The following ATP1A1 variants were observed in gnomAD, a reference collection of about 807,000 sequenced individuals.
ATP1A1 encodes sodium/potassium-transporting ATPase subunit alpha-1.
In ATP1A1, 14 loss-of-function variants were observed where a neutral mutation model predicts 114.8. That is an observed-to-expected ratio of 0.12 (90% CI 0.08 to 0.19). The LOEUF (loss-of-function observed/expected upper bound fraction) is 0.19, where lower values mean the gene tolerates loss of function less well. Among genes scored for constraint, ATP1A1 ranks in the 10% least tolerant of loss-of-function variants. The probability of loss-of-function intolerance (pLI) is 1.00; values close to 1 mark genes in which losing one functional copy is unlikely to be tolerated. For synonymous variants in ATP1A1, 471 were observed against 466.3 expected, an observed-to-expected ratio of 1.01 and a Z score of -0.13; for missense variants, 524 against 1,290.7, an observed-to-expected ratio of 0.41 and a Z score of 9.10.
rs769951484 is a variant in ATP1A1, at chr1:116,384,842, G to C, written c.183G>C (p.Arg61=). 6.2e-6 allele frequency: 10 copies of C among 1,613,344 alleles called. No individual in the cohort carries two copies. The highest frequency in any genetic ancestry group is 7.6e-6 in the Non-Finnish European group (9 of 1,179,626). ...GTAAATATGGAACAGACTTGAGCCG[G>C]GTATGTTCTAGTTTGAAAGCTGTTG... is the stretch of plus-strand genomic sequence containing the variant. ...LHRKYGTDLS[R]GLTSARAAEI... The change falls in exon 3 of 23, where the codon CGG becomes CGC. Residue 61 remains arginine (R), a splice_region_variant and synonymous_variant. Coordinates refer to ENST00000295598, the MANE Select transcript of ATP1A1 (RefSeq NM_000701.8). The surrounding 1 kb of genome is among the most constrained non-coding windows in gnomAD (Gnocchi z 5.1).
intron 3 of ATP1A1, among the ~76,000 whole-genome samples, chr1:116,386,439 CA>C (rs1425441681): frequency 6.6e-6 from 1 of 152,118 alleles, no homozygotes; most frequent in Non-Finnish European, 1.5e-5. Flanking sequence ...GAGAATTAAA[CA>C]AGTTAATTAA....
Position 116,373,456 on chromosome 1 carries a change from T to G in ATP1A1, c.-56T>G. 6.6e-7 allele frequency: 1 copy of G among 1,506,278 alleles called. No individual in the cohort carries two copies. The highest frequency in any genetic ancestry group is 8.9e-7 in the Non-Finnish European group (1 of 1,126,612). The allele number at this position is 1,506,278 out of a possible 1,614,324, so 93.3% of individuals were successfully genotyped here. A position where few individuals can be genotyped will look rare whatever the true frequency, so the allele number is the denominator to read the frequency against. On this transcript the variant is annotated 5_prime_UTR_variant, in exon 1 of 23. Transcript: ENST00000295598. Reference sequence around the variant, plus strand: ...GCTCGGCCGGGAGCTGCTCTGTGCTTTTCTCTCTGATTCTCCAGCGACAGG... The same window carrying G: ...GCTCGGCCGGGAGCTGCTCTGTGCTGTTCTCTCTGATTCTCCAGCGACAGG...
chr1:116,384,469 C>T lies in ATP1A1; in HGVS notation c.124-314C>T, dbSNP rs1326748629. Among the ~76,000 whole-genome samples, 8 of 152,114 alleles carry T rather than the reference C, an allele frequency of 5.3e-5. No individual in the cohort carries two copies. Among genetic ancestry groups the T allele is most frequent in the Admixed American group, 1.3e-4 (2 of 15,280 alleles). On this transcript the variant is annotated intron_variant, in intron 2 of 22. Transcript: ENST00000295598. The surrounding 1 kb of genome is among the most constrained non-coding windows in gnomAD (Gnocchi z 5.1). ...ATAGACTTAACCTGTCTAGAATCGA[C>T]CTGGTCATCAGAGAAGGCAGATAAG...
chr1:116,383,318 G>A, intron 1 of ATP1A1: 1 of 1,074,188 alleles, frequency 9.3e-7, no homozygotes, highest in Non-Finnish European at 1.1e-6. Context: ...TTTAATATGG[G>A]AAGCTGGTAA....
chr1:116,403,264 G>T (rs1463895818), intron 21 of ATP1A1, among the ~76,000 whole-genome samples: 1 of 152,202 alleles, frequency 6.6e-6, no homozygotes, highest in Non-Finnish European at 1.5e-5. Context: ...CACCATAGCA[G>T]GGAGCTGGTG....
In ATP1A1 at chr1:116,397,889, G is replaced by A; in HGVS notation, c.1975G>A (p.Asp659Asn). 6.3e-7 allele frequency: 1 copy of A among 1,598,530 alleles called. No homozygotes were observed. Among genetic ancestry groups the A allele is most frequent in the African/African-American group, 1.4e-5 (1 of 73,760 alleles). ...NIPVSQVNPR[D>N]AKACVVHGSD... The stretch of plus-strand genomic sequence containing the variant: ...TTTTTTTTTTTGTCCTAATTCTAGG[G>A]ATGCCAAGGCCTGCGTAGTACACGG... The change falls in exon 15 of 23, where the codon GAT becomes AAT. Residue 659 changes from aspartate (D) to asparagine (N), a missense_variant and splice_region_variant. This residue lies in a region of ATP1A1 where 47 missense variants were observed against 79.8 expected (regional missense o/e 0.59). Coordinates refer to ENST00000295598, the MANE Select transcript of ATP1A1 (RefSeq NM_000701.8). The surrounding 1 kb of genome is among the most constrained non-coding windows in gnomAD (Gnocchi z 4.2).
At chr1:116,383,390 C>T in intron 1 of ATP1A1, 1 of 995,418 alleles carries the variant, frequency 1.0e-6, no homozygotes, top group Non-Finnish European at 1.2e-6. Flanking sequence ...AATGTCTTTG[C>T]AAAGCAAAGA....
chr1:116,373,784 C>T, intron 1 of ATP1A1: 2 of 1,144,632 alleles, frequency 1.7e-6, no homozygotes, highest in Non-Finnish European at 2.1e-6. Flanking sequence ...TGGGCGGGGG[C>T]TGCGCGCCCC....
chr1:116,384,681 T>A lies in ATP1A1; in HGVS notation c.124-102T>A. 1 of 1,055,862 alleles carries A rather than the reference T, an allele frequency of 9.5e-7. No homozygotes were observed. Among genetic ancestry groups the A allele is most frequent in the Non-Finnish European group, 1.4e-6 (1 of 720,078 alleles). 65.4% of individuals were successfully genotyped at this position (1,055,862 alleles called of 1,614,324 possible). A position where few individuals can be genotyped will look rare whatever the true frequency, so the allele number is the denominator to read the frequency against. On this transcript the variant is annotated intron_variant, in intron 2 of 22. Coordinates refer to ENST00000295598, the MANE Select transcript of ATP1A1 (RefSeq NM_000701.8). This position sits in a 1 kb window ranked among gnomAD's most constrained non-coding sequence, Gnocchi z 5.1. ...ATGCACTGAAGAAAACATCTGCACT[T>A]TGTTTAATAAGCTTAATGATAGTAA...
intron 1 of ATP1A1, 32 bp from the exon 2 acceptor site, chr1:116,383,982 C>G: frequency 6.3e-7 from 1 of 1,576,044 alleles, no homozygotes; most frequent in Non-Finnish European, 8.7e-7. Flanking sequence ...GTTCATAATT[C>G]ATGGCCTCAC....
chr1:116,389,521 A>C lies in ATP1A1; in HGVS notation c.837A>C (p.Gly279=). 1.2e-6 allele frequency: 2 copies of C among 1,614,170 alleles called. No individual in the cohort carries two copies. The highest frequency in any genetic ancestry group is 1.7e-6 in the Non-Finnish European group (2 of 1,180,038). The change falls in exon 8 of 23, where the codon GGA becomes GGC. Residue 279 remains glycine, a synonymous_variant. Transcript: ENST00000295598. The surrounding 1 kb of genome is among the most constrained non-coding windows in gnomAD (Gnocchi z 6.9). ...CCACACTTGCTTCTGGGCTGGAAGGAGGCCAGACCCCCATTGCTGCAGAAA... is the reference window on the plus strand; with the variant it reads ...CCACACTTGCTTCTGGGCTGGAAGGCGGCCAGACCCCCATTGCTGCAGAAA... ...RIATLASGLE[G]GQTPIAAEIE...
Position 116,373,370 on chromosome 1 carries a change from T to TTGC in ATP1A1, c.-142_-141insTGC. ...CATCGGCCCGAGCCGCCGGCCGCCC[T>TTGC]CCCACCCTCCCGCCCCGCGGCAGCC... On this transcript the variant is annotated 5_prime_UTR_variant, in exon 1 of 23. Coordinates refer to ENST00000295598, the MANE Select transcript of ATP1A1 (RefSeq NM_000701.8). The TTGC allele has an allele frequency of 3.0e-6, 1 of 333,836 alleles. No homozygotes were observed. Among genetic ancestry groups the TTGC allele is most frequent in the East Asian group, 8.9e-5 (1 of 11,240 alleles). 20.7% of individuals were successfully genotyped at this position (333,836 alleles called of 1,614,324 possible). A position where few individuals can be genotyped will look rare whatever the true frequency, so the allele number is the denominator to read the frequency against.
chr1:116,392,738 A>G (rs1652566531), intron 10 of ATP1A1, 116 bp from the exon 11 acceptor site: 4 of 1,298,098 alleles, frequency 3.1e-6, no homozygotes, highest in East Asian at 2.5e-5. Context: ...CTTCTTGCCC[A>G]TCCTCTGCTA....
Position 116,389,511 on chromosome 1 carries a change from G to C in ATP1A1, c.827G>C (p.Gly276Ala). 1 of 1,614,106 alleles carries C rather than the reference G, an allele frequency of 6.2e-7. No individual in the cohort carries two copies. The highest frequency in any genetic ancestry group is 8.5e-7 in the Non-Finnish European group (1 of 1,180,018). ...GGAAGAATTGCCACACTTGCTTCTG[G>C]GCTGGAAGGAGGCCAGACCCCCATT... ...VMGRIATLASGLEGGQTPIAA... is the reference protein window; with the variant it reads ...VMGRIATLASALEGGQTPIAA... The change falls in exon 8 of 23, where the codon GGG (glycine) becomes GCG (alanine). Residue 276 changes from glycine (G) to alanine (A), a missense_variant. Gly to Ala is a moderately conservative substitution (Grantham distance 60, BLOSUM62 0). Coordinates refer to ENST00000295598, the MANE Select transcript of ATP1A1 (RefSeq NM_000701.8). This position sits in a 1 kb window ranked among gnomAD's most constrained non-coding sequence, Gnocchi z 6.9.
At chr1:116,403,837 G>T in intron 21 of ATP1A1, 47 bp from the exon 22 acceptor site, 1 of 1,486,072 alleles carries the variant, frequency 6.7e-7, no homozygotes, top group South Asian at 1.2e-5. Context: ...TTCTTTATTT[G>T]AACTGTGTTC....
At chr1:116,392,553 T>A (rs1292230057) in intron 10 of ATP1A1, 2 of 243,744 alleles carry the variant, frequency 8.2e-6, no homozygotes, top group Admixed American at 1.1e-4. Context: ...TAGACTGCAG[T>A]AGGTTGGAAG....
At chr1:116,390,604 G>C (rs1347905596) in intron 9 of ATP1A1, among the ~76,000 whole-genome samples, 178 bp from the exon 10 acceptor site, 2 of 147,832 alleles carry the variant, frequency 1.4e-5, no homozygotes, top group Non-Finnish European at 3.0e-5. Flanking sequence ...CATGTCAGTA[G>C]AAACTTTAAA....
chr1:116,374,681 C>T (rs772026024), intron 1 of ATP1A1, among the ~76,000 whole-genome samples: 3 of 152,144 alleles, frequency 2.0e-5, no homozygotes, highest in Non-Finnish European at 4.4e-5. Flanking sequence ...CACAGAATAA[C>T]CTCGGAGTTC....
At chr1:116,391,081 AC>A (rs1189406314) in intron 10 of ATP1A1, among the ~76,000 whole-genome samples, 190 bp downstream of exon 10, 1 of 152,028 alleles carries the variant, frequency 6.6e-6, no homozygotes, top group Admixed American at 6.6e-5. Context: ...GTATTATAGG[AC>A]CCCCTGCTCC....
Sources: gnomAD v4.1 joint callset for allele counts (sites outside exome capture counted in the v4.1 genomes callset) on GRCh38, gnomAD v4.1.1 for gene constraint, gnomAD v4.1.1 regional missense constraint, Gnocchi (gnomAD v3.1) non-coding constraint, MANE v1.5 for transcripts, NCBI Gene and HGNC (gene_info 2026-07-23, HGNC 2026-07-21) for gene names.